CD109: variants seen among roughly 807,000 people sequenced by gnomAD.
CD109 encodes CD109 molecule.
Under a neutral mutation model 165.8 loss-of-function variants are expected in CD109, and 149 were observed. That is an observed-to-expected ratio of 0.90 (90% CI 0.79 to 1.03). The LOEUF (loss-of-function observed/expected upper bound fraction) is 1.03. Among genes scored for constraint, CD109 ranks in the 50% least tolerant of loss-of-function variants. CD109 has a pLI of 0.00. For missense variants in CD109, 1,712 were observed against 1,677.8 expected (o/e 1.02, Z -0.36); for synonymous variants, 585 against 592.1 (o/e 0.99, Z 0.18).
intron 17 of CD109, 106 bp from the exon 18 acceptor site, chr6:73,782,508 A>G: frequency 9.3e-7 from 1 of 1,072,556 alleles, no homozygotes; most frequent in South Asian, 1.6e-5. Flanking sequence ...CTGGCACATT[A>G]TGTCTCTGGA....
In CD109 at chr6:73,696,222, G is replaced by A. The variant is rs763030248; in HGVS notation, c.7G>A (p.Gly3Ser). MQGPPLLTAAHLL... is the reference protein window; with the variant it reads MQSPPLLTAAHLL... ...CCAGGCAGACGCCGTCGAGATGCAG[G>A]GCCCACCGCTCCTGACCGCCGCCCA... The change falls in exon 1 of 33, where the codon GGC becomes AGC. Residue 3 changes from glycine (G) to serine (S), a missense_variant. Physicochemically the swap from Gly to Ser is moderately conservative, Grantham distance 56. Coordinates refer to ENST00000287097, the MANE Select transcript of CD109 (RefSeq NM_133493.5). 1.6e-5 allele frequency: 24 copies of A among 1,545,608 alleles called. No individual in the cohort carries two copies. The highest frequency in any genetic ancestry group is 2.1e-5 in the Non-Finnish European group (24 of 1,149,806).
chr6:73,779,732 T>G (rs906332497), intron 15 of CD109, among the ~76,000 whole-genome samples: 1 of 152,150 alleles, frequency 6.6e-6, no homozygotes, highest in African/African-American at 2.4e-5. Flanking sequence ...TCCTTTTGTG[T>G]ATATACCTAG....
intron 23 of CD109, among the ~76,000 whole-genome samples, chr6:73,800,067 G>T (rs1374315890): frequency 2.0e-5 from 3 of 151,938 alleles, no homozygotes; most frequent in African/African-American, 7.3e-5. Flanking sequence ...TATTGCCCAG[G>T]CTGGTCTCAA....
intron 3 of CD109, among the ~76,000 whole-genome samples, chr6:73,729,661 A>C (rs575371452): frequency 1.3e-5 from 2 of 151,908 alleles, no homozygotes; most frequent in Non-Finnish European, 2.9e-5. Context: ...CTACAGGCGC[A>C]TGCCACCACA....
rs376581470 is a variant in CD109, at chr6:73,785,458, A to G, written c.2318A>G (p.Tyr773Cys). 4.5e-5 allele frequency: 71 copies of G among 1,567,110 alleles called. No homozygotes were observed. Among genetic ancestry groups the G allele is most frequent in the Non-Finnish European group, 6.0e-5 (69 of 1,142,420 alleles). The change falls in exon 20 of 33, where the codon TAT becomes TGT. Residue 773 changes from tyrosine to cysteine, a missense_variant. Physicochemically the swap from Tyr to Cys is radical, Grantham distance 194. Transcript: ENST00000287097. ...GCTTTGGAAATAACTATATTCAATT[A>G]TTTGAAAGATGCCACTGAGGTAATG... ...EFALEITIFNYLKDATEVKVI... is the reference protein window; with the variant it reads ...EFALEITIFNCLKDATEVKVI...
chr6:73,747,297 T>C (rs759721890), intron 5 of CD109, among the ~76,000 whole-genome samples: 2 of 152,218 alleles, frequency 1.3e-5, no homozygotes, highest in Non-Finnish European at 2.9e-5. Flanking sequence ...TTAACTCTAC[T>C]TCCTCTTCAG....
intron 14 of CD109, among the ~76,000 whole-genome samples, chr6:73,770,675 G>C (rs879829387): frequency 2.0e-5 from 3 of 152,180 alleles, no homozygotes; most frequent in Non-Finnish European, 4.4e-5. Context: ...TTGAACCCAG[G>C]AGGCAAAGGT....
At chr6:73,803,525 TTG>T (rs147157413) in intron 24 of CD109, among the ~76,000 whole-genome samples, 20 of 151,198 alleles carry the variant, frequency 1.3e-4, no homozygotes, top group African/African-American at 4.4e-4. Flanking sequence ...ATCCTCTTTT[TTG>T]TGTGTGTGTG....
At chr6:73,817,286 C>T (rs890736994) in intron 30 of CD109, among the ~76,000 whole-genome samples, 2 of 152,136 alleles carry the variant, frequency 1.3e-5, no homozygotes, top group Non-Finnish European at 2.9e-5. Context: ...GTATAATCTG[C>T]ATTGTGCTTT....
At chr6:73,787,135 G>A (rs1389519900) in intron 20 of CD109, 99 bp from the exon 21 acceptor site, 1 of 707,872 alleles carries the variant, frequency 1.4e-6, no homozygotes, top group Non-Finnish European at 2.3e-6. Context: ...CGCTAGTCTT[G>A]AGCCTCACAG....
At chr6:73,744,532 TA>T (rs935032607) in intron 5 of CD109, among the ~76,000 whole-genome samples, 1 of 152,082 alleles carries the variant, frequency 6.6e-6, no homozygotes, top group African/African-American at 2.4e-5. Context: ...TTTTGAAAAT[TA>T]AAAAAAATCT....
intron 26 of CD109, among the ~76,000 whole-genome samples, chr6:73,808,805 GGTGTGTGTGTGTGTGT>G (rs10552233): frequency 3.4e-5 from 5 of 145,872 alleles, no homozygotes; most frequent in Non-Finnish European, 6.1e-5. Context: ...CAGGGATCCA[GGTGTGTGTGTGTGTGT>G]GTGTGTGTGT....
In CD109 at chr6:73,699,003, A is replaced by C. The variant is rs565092106; in HGVS notation, c.247+1431A>C. Among the ~76,000 whole-genome samples the C allele has an allele frequency of 2.0e-5, 3 of 152,356 alleles. No homozygotes were observed. The East Asian group carries it at 5.8e-4, about 29-fold the overall frequency. On this transcript the variant is annotated intron_variant, in intron 2 of 32. Transcript: ENST00000287097. ...GCAATAAACAACAATTGCTAATATT[A>C]TTAGTGTAATAATACTGCAGAAGAG...
intron 4 of CD109, among the ~76,000 whole-genome samples, chr6:73,735,503 T>C (rs1293028552): frequency 6.6e-6 from 1 of 151,910 alleles, no homozygotes; most frequent in Non-Finnish European, 1.5e-5. Flanking sequence ...AAATTAGAGA[T>C]ATATTAACCT....
intron 31 of CD109, 29 bp from the exon 32 acceptor site, chr6:73,820,432 C>G (rs1776069748): frequency 7.9e-7 from 1 of 1,268,806 alleles, no homozygotes; most frequent in South Asian, 1.3e-5. Context: ...AGTGTGCCAA[C>G]CCCTTAAGAC....
At chr6:73,729,252 C>T (rs983570384) in intron 3 of CD109, among the ~76,000 whole-genome samples, 1 of 152,108 alleles carries the variant, frequency 6.6e-6, no homozygotes, top group African/African-American at 2.4e-5. Flanking sequence ...AAGGAAATCA[C>T]TAAGTCTGGG....
rs768314932 is a variant in CD109 at position 73,810,188 on chromosome 6, GT to G, written c.3546+20del. The G allele has an allele frequency of 1.4e-6, 2 of 1,457,414 alleles. No homozygotes were observed. Among genetic ancestry groups the G allele is most frequent in the South Asian group, 1.4e-5 (1 of 70,462 alleles). 90.3% of individuals were successfully genotyped at this position (1,457,414 alleles called of 1,614,324 possible). On this transcript the variant is annotated intron_variant, in intron 27 of 32. Coordinates refer to ENST00000287097, the MANE Select transcript of CD109 (RefSeq NM_133493.5). ...GCATCTACTCAGGTGAGAGATGATAGTTTTTTCCCTTTAAACTATAATATAT... is the reference window on the plus strand; with the variant it reads ...GCATCTACTCAGGTGAGAGATGATAGTTTTTCCCTTTAAACTATAATATAT...
chr6:73,822,398 G>A (rs931209960), intron 32 of CD109, among the ~76,000 whole-genome samples: 6 of 152,136 alleles, frequency 3.9e-5, no homozygotes, highest in Non-Finnish European at 7.3e-5. Flanking sequence ...CAAGACTAAG[G>A]TGTAGCACCA....
In CD109 at chr6:73,824,914, G is replaced by T. The variant is rs1776225817; in HGVS notation, c.*1281G>T. 1 of 151,926 alleles carries T rather than the reference G, an allele frequency of 6.6e-6. No homozygotes were observed. The highest frequency in any genetic ancestry group is 2.4e-5 in the African/African-American group (1 of 41,320). The allele number at this position is 151,926 out of a possible 1,614,324, so 9.4% of individuals were successfully genotyped here. A position where few individuals can be genotyped will look rare whatever the true frequency, so the allele number is the denominator to read the frequency against. On this transcript the variant is annotated 3_prime_UTR_variant, in exon 33 of 33. Transcript: ENST00000287097. ...ATTAATGATCTTTTATTCAATCTAA[G>T]AAATGGTTTAGTTTTTCTCTTTAGC...
Sources: allele counts gnomAD v4.1 joint callset (sites outside exome capture counted in the v4.1 genomes callset), GRCh38; gene constraint gnomAD v4.1.1; transcripts MANE v1.5; gene names NCBI Gene and HGNC (gene_info 2026-07-23, HGNC 2026-07-21).